The following SPRED1 variants were observed in gnomAD, a reference collection of about 807,000 sequenced individuals.
SPRED1 encodes the protein sprouty related EVH1 domain containing 1.
SPRED1 carries 18 observed loss-of-function variants against 52.3 expected under a neutral mutation model. The observed-to-expected ratio is 0.34, with a 90% CI of 0.24 to 0.51. The LOEUF is 0.51. SPRED1 is among the 20% of genes least tolerant of loss of function. The pLI, the probability that SPRED1 is intolerant of heterozygous loss-of-function variation, is 0.97. For synonymous variants in SPRED1, 155 were observed against 179.7 expected, an observed-to-expected ratio of 0.86 and a Z score of 1.10; for missense variants, 485 against 551.0, an observed-to-expected ratio of 0.88 and a Z score of 1.20.
chr15:38,324,897 A>C lies in SPRED1; in HGVS notation c.423+88A>C, dbSNP rs575553986. 31 of 1,099,298 alleles carry C rather than the reference A, an allele frequency of 2.8e-5. No individual in the cohort carries two copies. The East Asian group carries it at 7.7e-4, about 27-fold the overall frequency. The allele number at this position is 1,099,298 out of a possible 1,614,324, so 68.1% of individuals were successfully genotyped here. On this transcript the variant is annotated intron_variant, in intron 4 of 6. Transcript: ENST00000299084. ...TTCAATAAACTTATCAATTACTAAGAATATTTCTAAGACACTCTATTTGTC... is the reference window on the plus strand; with the variant it reads ...TTCAATAAACTTATCAATTACTAAGCATATTTCTAAGACACTCTATTTGTC...
chr15:38,319,594 TCTTGAACTCCTGAC>T (rs1895560855), intron 2 of SPRED1, among the ~76,000 whole-genome samples: 1 of 152,182 alleles, frequency 6.6e-6, no homozygotes, highest in African/African-American at 2.4e-5. Flanking sequence ...GTCAGGATGG[TCTTGAACTCCTGAC>T]CTCAGTTGAT....
intron 1 of SPRED1, among the ~76,000 whole-genome samples, chr15:38,279,398 T>C (rs1389995172): frequency 1.3e-5 from 2 of 152,214 alleles, no homozygotes; most frequent in African/African-American, 2.4e-5. Context: ...TTACTAAAAT[T>C]TAGTCTTAAG....
At chr15:38,262,070 C>A (rs543248315) in intron 1 of SPRED1, among the ~76,000 whole-genome samples, 1 of 151,388 alleles carries the variant, frequency 6.6e-6, no homozygotes, top group African/African-American at 2.4e-5. Context: ...GGGGTTTCCC[C>A]CCTTAATATG....
chr15:38,279,875 G>A (rs1431970252), intron 1 of SPRED1, among the ~76,000 whole-genome samples: 1 of 152,300 alleles, frequency 6.6e-6, no homozygotes, highest in African/African-American at 2.4e-5. Flanking sequence ...GGAGTCTTCA[G>A]TGTTTCATGG....
intron 5 of SPRED1, among the ~76,000 whole-genome samples, chr15:38,346,219 A>G (rs1165828653): frequency 1.3e-5 from 2 of 151,998 alleles, no homozygotes; most frequent in Non-Finnish European, 2.9e-5. Flanking sequence ...CAGGAGTCTA[A>G]AGCCTGAGAA....
intron 2 of SPRED1, among the ~76,000 whole-genome samples, chr15:38,311,178 T>C (rs1421490322): frequency 6.6e-6 from 1 of 152,186 alleles, no homozygotes; most frequent in Non-Finnish European, 1.5e-5. Context: ...GTTAAATTTT[T>C]TTTGTGTCAA....
At chr15:38,326,726 TTTGA>T (rs1895715489) in intron 4 of SPRED1, among the ~76,000 whole-genome samples, 1 of 152,188 alleles carries the variant, frequency 6.6e-6, no homozygotes, top group Non-Finnish European at 1.5e-5. Flanking sequence ...AAATACCACC[TTTGA>T]TTGAAGAGGG....
At chr15:38,318,121 C>T (rs1895526476) in intron 2 of SPRED1, among the ~76,000 whole-genome samples, 1 of 152,026 alleles carries the variant, frequency 6.6e-6, no homozygotes, top group Non-Finnish European at 1.5e-5. Flanking sequence ...CAATAGATTA[C>T]CTTTTTTCTA....
At chr15:38,326,728 T>C (rs1895715529) in intron 4 of SPRED1, among the ~76,000 whole-genome samples, 2 of 152,186 alleles carry the variant, frequency 1.3e-5, no homozygotes, top group African/African-American at 2.4e-5. Context: ...ATACCACCTT[T>C]GATTGAAGAG....
chr15:38,337,478 G>A (rs1895945344), intron 4 of SPRED1, among the ~76,000 whole-genome samples: 5 of 152,172 alleles, frequency 3.3e-5, no homozygotes, highest in African/African-American at 9.6e-5. Context: ...TTCACTGTGC[G>A]ATATGAACTA....
At chr15:38,294,496 A>C (rs1270365339) in intron 1 of SPRED1, among the ~76,000 whole-genome samples, 1 of 152,144 alleles carries the variant, frequency 6.6e-6, no homozygotes, top group Non-Finnish European at 1.5e-5. Context: ...AATTACCATA[A>C]ACTTAGTGAC....
intron 4 of SPRED1, among the ~76,000 whole-genome samples, chr15:38,330,578 G>A (rs1447145241): frequency 6.6e-6 from 1 of 151,982 alleles, no homozygotes; most frequent in Non-Finnish European, 1.5e-5. Context: ...TCCTAAGCTA[G>A]CATAATTTGA....
chr15:38,272,753 T>C (rs1359750774), intron 1 of SPRED1, among the ~76,000 whole-genome samples: 5 of 152,178 alleles, frequency 3.3e-5, no homozygotes, highest in African/African-American at 1.2e-4. Flanking sequence ...GCATATCTCA[T>C]TGTGATTTTG....
intron 3 of SPRED1, among the ~76,000 whole-genome samples, chr15:38,323,577 C>T (rs1895647274): frequency 6.6e-6 from 1 of 151,098 alleles, no homozygotes; most frequent in Admixed American, 6.6e-5. Context: ...AAGAATTGTT[C>T]TCTAGTCAAG....
intron 1 of SPRED1, among the ~76,000 whole-genome samples, chr15:38,260,771 TA>T (rs929970712): frequency 3.3e-5 from 5 of 152,214 alleles, no homozygotes; most frequent in African/African-American, 1.2e-4. Flanking sequence ...TCATAAGCTT[TA>T]CCAGGCTGCC....
At chr15:38,334,141 C>T (rs1219498833) in intron 4 of SPRED1, among the ~76,000 whole-genome samples, 1 of 151,798 alleles carries the variant, frequency 6.6e-6, no homozygotes, top group Non-Finnish European at 1.5e-5. Context: ...GAATGAATTT[C>T]ACTGAAAAAA....
chr15:38,303,787 A>G (rs2382125), intron 2 of SPRED1, among the ~76,000 whole-genome samples: 114,575 of 151,988 alleles, frequency 0.75, 43,689 homozygotes, highest in Non-Finnish European at 0.82. Context: ...AAAGATAGGA[A>G]TCTTTTAAAA....
intron 5 of SPRED1, among the ~76,000 whole-genome samples, chr15:38,344,371 G>A (rs1896088087): frequency 6.6e-6 from 1 of 152,150 alleles, no homozygotes; most frequent in Admixed American, 6.5e-5. Flanking sequence ...TTGGCTGAAA[G>A]AACTGTAAAT....
At chr15:38,340,901 T>C (rs759398293) in intron 5 of SPRED1, among the ~76,000 whole-genome samples, 1 of 152,172 alleles carries the variant, frequency 6.6e-6, no homozygotes, top group Non-Finnish European at 1.5e-5. Flanking sequence ...TTGGACAGTA[T>C]TTCTTTTTTG....
Sources: gnomAD v4.1 joint callset for allele counts (sites outside exome capture counted in the v4.1 genomes callset) on GRCh38, gnomAD v4.1.1 for gene constraint, MANE v1.5 for transcripts, NCBI Gene and HGNC (gene_info 2026-07-23, HGNC 2026-07-21) for gene names.